The following PLCL2 variants were observed in gnomAD, a reference collection of about 807,000 sequenced individuals.
PLCL2 encodes inactive phospholipase C-like protein 2.
Under a neutral mutation model 79.6 loss-of-function variants are expected in PLCL2, and 4 were observed. That is an observed-to-expected ratio of 0.05 (90% CI 0.02 to 0.11). The LOEUF is 0.11. PLCL2 is among the 10% of genes least tolerant of loss of function. The pLI is 1.00. For missense variants in PLCL2, 895 were observed against 1,291.0 expected (o/e 0.69, Z 4.70); for synonymous variants, 484 against 457.7 (o/e 1.06, Z -0.73).
intron 3 of PLCL2, among the ~76,000 whole-genome samples, chr3:17,015,252 GTTTTCATTTTA>G (rs1202692097): frequency 2.0e-5 from 3 of 152,198 alleles, no homozygotes; most frequent in Middle Eastern, 3.4e-3. Context: ...TTGATTATTT[GTTTTCATTTTA>G]TTTTCATTTT....
chr3:16,890,373 T>C (rs1340989283), intron 1 of PLCL2, among the ~76,000 whole-genome samples: 1 of 152,238 alleles, frequency 6.6e-6, no homozygotes, highest in Non-Finnish European at 1.5e-5. Flanking sequence ...CCAGAATCTG[T>C]TCACTTCCTT....
At chr3:17,008,747 C>A (rs2064289597) in intron 1 of PLCL2, among the ~76,000 whole-genome samples, 1 of 152,128 alleles carries the variant, frequency 6.6e-6, no homozygotes, top group African/African-American at 2.4e-5. Context: ...CCTCTGTCAC[C>A]TTGAAATTCT....
intron 4 of PLCL2, among the ~76,000 whole-genome samples, chr3:17,062,298 C>T (rs2064960474): frequency 6.6e-6 from 1 of 152,208 alleles, no homozygotes; most frequent in Admixed American, 6.5e-5. Context: ...AGCCTTCAAA[C>T]TTTGATGTCT....
Position 17,010,848 on chromosome 3 carries a change from A to T in PLCL2, c.1502A>T (p.Asp501Val). 1 of 1,614,092 alleles carries T rather than the reference A, an allele frequency of 6.2e-7. No individual in the cohort carries two copies. The highest frequency in any genetic ancestry group is 8.5e-7 in the Non-Finnish European group (1 of 1,179,978). ...CAGATAGTTTTCCGCAGTGTCATTG[A>T]TATTATTAACAAGTATGCATTCTTT... Reference protein sequence around the residue: ...TSQIVFRSVIDIINKYAFFAS... With the variant: ...TSQIVFRSVIVIINKYAFFAS... Residue 501 changes from aspartate (D) to valine (V), a missense_variant, in exon 2 of 6, where the codon GAT becomes GTT. Around this residue, in one of 6 missense-constraint regions of PLCL2, gnomAD observed 242 missense variants for 399.5 expected, o/e 0.61. Transcript: ENST00000615277. The surrounding 1 kb of genome is among the most constrained non-coding windows in gnomAD (Gnocchi z 5.8).
At chr3:16,944,145 G>A (rs533058651) in intron 1 of PLCL2, among the ~76,000 whole-genome samples, 53 of 152,286 alleles carry the variant, frequency 3.5e-4, no homozygotes, top group Non-Finnish European at 5.4e-4. Flanking sequence ...TGCCTGATCT[G>A]TATATGGAGA....
chr3:16,917,979 A>G (rs186072300), intron 1 of PLCL2, among the ~76,000 whole-genome samples: 1 of 152,318 alleles, frequency 6.6e-6, no homozygotes, highest in Non-Finnish European at 1.5e-5. Flanking sequence ...AATCATTCAA[A>G]TGTCTCATTA....
At position 17,009,793 on chromosome 3, in the gene PLCL2, C is replaced by T; in HGVS notation, c.447C>T (p.Leu149=). The part of the protein sequence containing the change: ...CINSMVEGSE[L]KKVRSNSRIY... ...ATTCAATGGTTGAGGGTTCAGAACT[C>T]AAAAAGGTTCGCTCCAACTCTAGAA... Residue 149 remains leucine, a synonymous_variant, in exon 2 of 6, where the codon CTC becomes CTT. Coordinates refer to ENST00000615277, the MANE Select transcript of PLCL2 (RefSeq NM_001144382.2). This position sits in a 1 kb window ranked among gnomAD's most constrained non-coding sequence, Gnocchi z 4.0. 6.2e-7 allele frequency: 1 copy of T among 1,613,770 alleles called. No individual in the cohort carries two copies. The highest frequency in any genetic ancestry group is 8.5e-7 in the Non-Finnish European group (1 of 1,179,756).
At chr3:16,945,884 GT>G (rs2063595781) in intron 1 of PLCL2, among the ~76,000 whole-genome samples, 1 of 152,138 alleles carries the variant, frequency 6.6e-6, no homozygotes, top group African/African-American at 2.4e-5. Context: ...TCTTCTGCAG[GT>G]TTATTCACAT....
intron 1 of PLCL2, among the ~76,000 whole-genome samples, chr3:16,997,573 C>G (rs1191495983): frequency 6.8e-6 from 1 of 147,208 alleles, no homozygotes; most frequent in Non-Finnish European, 1.5e-5. Flanking sequence ...CTCTGTTGTC[C>G]AGGCTGGAGT....
At chr3:16,975,625 T>C (rs1219714716) in intron 1 of PLCL2, among the ~76,000 whole-genome samples, 1 of 152,146 alleles carries the variant, frequency 6.6e-6, no homozygotes, top group Non-Finnish European at 1.5e-5. Context: ...ATACTGGAAT[T>C]ATACCATGGC....
intron 3 of PLCL2, among the ~76,000 whole-genome samples, chr3:17,023,732 C>A (rs1182225177): frequency 1.3e-5 from 2 of 152,110 alleles, no homozygotes; most frequent in South Asian, 2.1e-4. Context: ...TTTGATAAAT[C>A]CTGATTTTCA....
chr3:16,967,931 A>G (rs116328726), intron 1 of PLCL2, among the ~76,000 whole-genome samples: 3,186 of 152,122 alleles, frequency 0.021, 57 homozygotes, highest in South Asian at 0.043. Context: ...TCTTGAGTTG[A>G]TTTTTGCATA....
At chr3:16,917,109 C>T (rs1697015055) in intron 1 of PLCL2, among the ~76,000 whole-genome samples, 1 of 152,210 alleles carries the variant, frequency 6.6e-6, no homozygotes, top group Non-Finnish European at 1.5e-5. Flanking sequence ...CTGTCCTTCA[C>T]ATCCGGATGT....
chr3:16,992,064 T>TA (rs1460023047), intron 1 of PLCL2, among the ~76,000 whole-genome samples: 2 of 152,210 alleles, frequency 1.3e-5, no homozygotes, highest in African/African-American at 4.8e-5. Flanking sequence ...GATGGAGGGA[T>TA]ATTAGAGAGT....
rs144573415 is a variant in PLCL2 at position 17,043,655 on chromosome 3, A to C, written c.3094+706A>C. ...AAAAAAAAATTGTCCTGACTTTCTA[A>C]GGTTTTTTTCGTTGCTGTTCTTTAA... On this transcript the variant is annotated intron_variant, in intron 4 of 5. Coordinates refer to ENST00000615277, the MANE Select transcript of PLCL2 (RefSeq NM_001144382.2). Among the ~76,000 whole-genome samples the C allele has an allele frequency of 2.8e-3, 428 of 152,188 alleles. 1 individual carries two copies. The highest frequency in any genetic ancestry group is 0.017 in the Middle Eastern group (5 of 294).
intron 3 of PLCL2, among the ~76,000 whole-genome samples, chr3:17,037,758 C>T (rs2064673136): frequency 6.6e-6 from 1 of 152,140 alleles, no homozygotes; most frequent in Non-Finnish European, 1.5e-5. Flanking sequence ...AATCTGTGTT[C>T]TTAAGATGAA....
intron 1 of PLCL2, among the ~76,000 whole-genome samples, chr3:16,944,926 A>C (rs1167361689): frequency 6.6e-6 from 1 of 151,632 alleles, no homozygotes; most frequent in Non-Finnish European, 1.5e-5. Flanking sequence ...CACCCGGGTA[A>C]TTTTTGTACT....
chr3:17,011,151 A>G lies in PLCL2; in HGVS notation c.1805A>G (p.Glu602Gly). Residue 602 changes from glutamate to glycine, a missense_variant, in exon 2 of 6, where the codon GAG becomes GGG. Transcript: ENST00000615277. This position sits in a 1 kb window ranked among gnomAD's most constrained non-coding sequence, Gnocchi z 7.9. Reference sequence around the variant, plus strand: ...CAGAGGATGGGAAAAGAGAACATGGAGCAACCCAATAATGTGCCTGTGAAG... The same window carrying G: ...CAGAGGATGGGAAAAGAGAACATGGGGCAACCCAATAATGTGCCTGTGAAG... ...MSQRMGKENM[E>G]QPNNVPVKRF... 6.2e-7 allele frequency: 1 copy of G among 1,614,202 alleles called. No homozygotes were observed. Among genetic ancestry groups the G allele is most frequent in the South Asian group, 1.1e-5 (1 of 91,076 alleles).
intron 1 of PLCL2, among the ~76,000 whole-genome samples, chr3:16,988,128 A>C (rs760171784): frequency 1.6e-4 from 25 of 152,180 alleles, no homozygotes; most frequent in Non-Finnish European, 3.4e-4. Context: ...CTAAAAGTAA[A>C]AAGGTCGTGG....
Sources: allele counts gnomAD v4.1 joint callset (sites outside exome capture counted in the v4.1 genomes callset), GRCh38; gene constraint gnomAD v4.1.1; regional missense constraint gnomAD v4.1.1; non-coding constraint Gnocchi (gnomAD v3.1); transcripts MANE v1.5; gene names NCBI Gene and HGNC (gene_info 2026-07-23, HGNC 2026-07-21).